The following GALNT13 variants were observed in gnomAD, a reference collection of about 807,000 sequenced individuals.
The protein encoded by GALNT13 is polypeptide N-acetylgalactosaminyltransferase 13, also known as UDP-GalNAc:polypeptide N-acetylgalactosaminyltransferase 13.
In GALNT13, 28 loss-of-function variants were observed where a neutral mutation model predicts 64.2. The ratio of observed to expected loss-of-function variants is 0.44; its 90% CI spans 0.32 to 0.60. GALNT13 has a LOEUF of 0.60. GALNT13 is among the 20% of genes least tolerant of loss of function. The pLI is 0.05. For synonymous variants in GALNT13, 214 were observed against 224.6 expected (o/e 0.95, Z 0.42); for missense variants, 577 against 669.8 (o/e 0.86, Z 1.53).
At chr2:154,290,712 ATG>A (rs1559070788) in intron 8 of GALNT13, among the ~76,000 whole-genome samples, 1 of 152,192 alleles carries the variant, frequency 6.6e-6, no homozygotes, top group Non-Finnish European at 1.5e-5. Flanking sequence ...GACTTCAAAA[ATG>A]AAGCTGCGGA....
At chr2:154,324,328 TA>T (rs1417472808) in intron 9 of GALNT13, among the ~76,000 whole-genome samples, 1 of 152,146 alleles carries the variant, frequency 6.6e-6, no homozygotes, top group African/African-American at 2.4e-5. Context: ...CTAATAATTT[TA>T]AAATTACATG....
At chr2:153,630,777 A>T in the GALNT13 span, among the ~76,000 whole-genome samples, 1 of 7,658 alleles carries the variant, frequency 1.3e-4, no homozygotes, top group Non-Finnish European at 2.7e-4. Context: ...ATATATATAT[A>T]TATATATATA....
chr2:154,226,589 C>A (rs1250202859), intron 4 of GALNT13, among the ~76,000 whole-genome samples: 1 of 152,168 alleles, frequency 6.6e-6, no homozygotes, highest in Non-Finnish European at 1.5e-5. Context: ...TTAATTGACA[C>A]TTAATTTAGC....
chr2:154,382,735 A>C (rs2105334851), intron 9 of GALNT13, among the ~76,000 whole-genome samples: 1 of 151,996 alleles, frequency 6.6e-6, no homozygotes, highest in Non-Finnish European at 1.5e-5. Context: ...GAGGCCATGA[A>C]TACTTTTTAC....
intron 8 of GALNT13, among the ~76,000 whole-genome samples, chr2:154,290,911 C>T (rs1204973550): frequency 6.6e-6 from 1 of 151,644 alleles, no homozygotes; most frequent in Non-Finnish European, 1.5e-5. Context: ...GTTGTTTGCT[C>T]TTTCCGTCCA....
At chr2:153,650,116 T>A in the GALNT13 span, among the ~76,000 whole-genome samples, 15 of 152,182 alleles carry the variant, frequency 9.9e-5, no homozygotes, top group African/African-American at 2.9e-4. Context: ...TTTGTAGTTC[T>A]CTAAGGACTT....
At chr2:153,172,392 C>T in the GALNT13 span, among the ~76,000 whole-genome samples, 1 of 151,936 alleles carries the variant, frequency 6.6e-6, no homozygotes, top group African/African-American at 2.4e-5. Flanking sequence ...GGGGAGCTTG[C>T]CAGAAAACAT....
the GALNT13 span, among the ~76,000 whole-genome samples, chr2:153,452,277 T>C: frequency 5.9e-5 from 9 of 152,316 alleles, no homozygotes; most frequent in South Asian, 6.2e-4. Flanking sequence ...GAATTAAAAG[T>C]ATCTTCTTAA....
In GALNT13 at chr2:154,162,033, G is replaced by A. The variant is rs189557203; in HGVS notation, c.311+21528G>A. ...CCTGACCTTGTGATCCGCCCGTCTC[G>A]GCCTCCCAAAGTGGTGGGATTACAG... On this transcript the variant is annotated intron_variant, in intron 4 of 12. Transcript: ENST00000392825. Among the ~76,000 whole-genome samples the A allele has an allele frequency of 3.5e-4, 54 of 152,190 alleles. 1 individual carries two copies. The East Asian group carries it at 7.7e-3, about 22-fold the overall frequency.
chr2:153,188,565 G>A, the GALNT13 span, among the ~76,000 whole-genome samples: 2 of 152,082 alleles, frequency 1.3e-5, no homozygotes, highest in Admixed American at 6.6e-5. Flanking sequence ...AATCAGACAC[G>A]TCCAGCTTTG....
the GALNT13 span, among the ~76,000 whole-genome samples, chr2:153,799,601 G>A: frequency 6.6e-6 from 1 of 152,090 alleles, no homozygotes; most frequent in Non-Finnish European, 1.5e-5. Flanking sequence ...TGCCATTATA[G>A]TAACTATAGT....
the GALNT13 span, among the ~76,000 whole-genome samples, chr2:153,607,919 C>A: frequency 3.3e-5 from 5 of 152,068 alleles, no homozygotes; most frequent in African/African-American, 1.2e-4. Context: ...TAGCTAGATT[C>A]CCTAAAGTTT....
chr2:153,768,419 T>C, the GALNT13 span, among the ~76,000 whole-genome samples: 1 of 152,200 alleles, frequency 6.6e-6, no homozygotes, highest in African/African-American at 2.4e-5. Flanking sequence ...ATTGTATTGC[T>C]ATCAGTTTGT....
intron 3 of GALNT13, among the ~76,000 whole-genome samples, chr2:153,982,486 A>T (rs1694528836): frequency 6.6e-6 from 1 of 152,110 alleles, no homozygotes; most frequent in Admixed American, 6.6e-5. Context: ...TGTAGTAGTC[A>T]TCTATCACCA....
chr2:153,819,029 G>A, the GALNT13 span, among the ~76,000 whole-genome samples: 1 of 152,114 alleles, frequency 6.6e-6, no homozygotes, highest in Non-Finnish European at 1.5e-5. Flanking sequence ...AGCGGGCCAT[G>A]TATTGTGCTA....
At chr2:153,813,310 TA>T in the GALNT13 span, among the ~76,000 whole-genome samples, 2 of 152,214 alleles carry the variant, frequency 1.3e-5, no homozygotes, top group African/African-American at 4.8e-5. Context: ...AAAACAATCT[TA>T]AGATATAAAA....
At chr2:154,184,185 G>A (rs1686122663) in intron 4 of GALNT13, among the ~76,000 whole-genome samples, 1 of 151,832 alleles carries the variant, frequency 6.6e-6, no homozygotes, top group African/African-American at 2.4e-5. Flanking sequence ...TATCTCAATT[G>A]TGACAGGTTT....
chr2:154,008,765 C>T (rs986779758), intron 3 of GALNT13, among the ~76,000 whole-genome samples: 3 of 152,026 alleles, frequency 2.0e-5, no homozygotes, highest in Admixed American at 6.5e-5. Context: ...ACTTGATCTC[C>T]TTCTTTTTTA....
At chr2:154,168,667 T>C (rs1194390952) in intron 4 of GALNT13, among the ~76,000 whole-genome samples, 5 of 90,300 alleles carry the variant, frequency 5.5e-5, no homozygotes, top group African/African-American at 1.9e-4. Context: ...ACCTCATCTC[T>C]ACTATTAAAA....
Sources: allele counts gnomAD v4.1 joint callset (sites outside exome capture counted in the v4.1 genomes callset), GRCh38; gene constraint gnomAD v4.1.1; transcripts MANE v1.5; gene names NCBI Gene and HGNC (gene_info 2026-07-23, HGNC 2026-07-21).